The following CACNB2 variants were observed in gnomAD, a reference collection of about 807,000 sequenced individuals.
CACNB2 encodes voltage-dependent L-type calcium channel subunit beta-2.
A neutral mutation model predicts 73.3 loss-of-function variants in CACNB2; 42 were observed. The observed-to-expected ratio is 0.57, with a 90% CI of 0.45 to 0.74. The LOEUF (loss-of-function observed/expected upper bound fraction) is 0.74, where lower values mean the gene tolerates loss of function less well. CACNB2 is among the 30% of genes least tolerant of loss of function. The probability of loss-of-function intolerance (pLI) is 0.00; values close to 1 mark genes in which losing one functional copy is unlikely to be tolerated. For missense variants in CACNB2, 940 were observed against 853.0 expected (o/e 1.10, Z -1.27); for synonymous variants, 348 against 310.3 (o/e 1.12, Z -1.28).
At chr10:18,164,345 G>T (rs1192769522) in intron 2 of CACNB2, among the ~76,000 whole-genome samples, 2 of 152,138 alleles carry the variant, frequency 1.3e-5, no homozygotes, top group Non-Finnish European at 2.9e-5. Flanking sequence ...TTGAAAATCA[G>T]CCATTCTCTC....
chr10:18,182,382 C>T (rs139356683), intron 2 of CACNB2, among the ~76,000 whole-genome samples: 45 of 151,674 alleles, frequency 3.0e-4, no homozygotes, highest in African/African-American at 9.4e-4. Flanking sequence ...AATATAAAAA[C>T]GTAGGTAACA....
chr10:18,385,576 G>A (rs1374340850), intron 2 of CACNB2, among the ~76,000 whole-genome samples: 4 of 148,394 alleles, frequency 2.7e-5, no homozygotes, highest in South Asian at 2.1e-4. Context: ...GTGGTGAGCC[G>A]AGATCGTGCC....
chr10:18,305,449 G>A (rs1381843318), intron 2 of CACNB2, among the ~76,000 whole-genome samples: 2 of 152,150 alleles, frequency 1.3e-5, no homozygotes, highest in East Asian at 3.8e-4. Context: ...AATGAGAACA[G>A]AATACAGAGA....
chr10:18,283,202 A>G (rs1044421394), intron 2 of CACNB2, among the ~76,000 whole-genome samples: 1 of 152,200 alleles, frequency 6.6e-6, no homozygotes. Flanking sequence ...AGAAATAGGA[A>G]CACTTTTACA....
intron 2 of CACNB2, chr10:18,261,902 A>C (rs1288617030): frequency 1.2e-5 from 6 of 517,632 alleles, no homozygotes; most frequent in Non-Finnish European, 1.9e-5. Context: ...AAATTCTACA[A>C]GGCAGGCTCA....
intron 2 of CACNB2, among the ~76,000 whole-genome samples, chr10:18,161,968 A>G (rs1382663424): frequency 2.0e-5 from 3 of 152,076 alleles, no homozygotes; most frequent in Non-Finnish European, 4.4e-5. Flanking sequence ...AAATAATACA[A>G]TAGATGAATT....
At position 18,345,061 on chromosome 10, in the gene CACNB2, T is replaced by C. The variant is rs552233748; in HGVS notation, c.214-56863T>C. ...ATCTGCCATTGATTGTCCAATAAAATGGTCATTTATTTTTGGACTTTTTAA... is the reference window on the plus strand; with the variant it reads ...ATCTGCCATTGATTGTCCAATAAAACGGTCATTTATTTTTGGACTTTTTAA... On this transcript the variant is annotated intron_variant, in intron 2 of 13. Transcript: ENST00000324631. Among the ~76,000 whole-genome samples, 55 of 152,344 alleles carry C rather than the reference T, an allele frequency of 3.6e-4. 2 individuals carry two copies. The South Asian group carries it at 0.011, about 32-fold the overall frequency.
chr10:18,304,409 A>C (rs1318068090), intron 2 of CACNB2, among the ~76,000 whole-genome samples: 2 of 152,256 alleles, frequency 1.3e-5, no homozygotes, highest in Non-Finnish European at 2.9e-5. Flanking sequence ...AGTATTCAGC[A>C]CATTTAAGAA....
intron 6 of CACNB2, among the ~76,000 whole-genome samples, chr10:18,511,470 T>C (rs925496982): frequency 6.6e-6 from 1 of 152,230 alleles, no homozygotes; most frequent in Non-Finnish European, 1.5e-5. Context: ...TTGAAAAGGT[T>C]AGAAGAAGCT....
At chr10:18,524,089 A>G (rs1025678842) in intron 9 of CACNB2, among the ~76,000 whole-genome samples, 3 of 152,186 alleles carry the variant, frequency 2.0e-5, no homozygotes, top group Admixed American at 6.5e-5. Flanking sequence ...CTGGATTCAC[A>G]GTAACCAACT....
At chr10:18,479,141 G>T (rs1174981289) in intron 3 of CACNB2, among the ~76,000 whole-genome samples, 1 of 151,962 alleles carries the variant, frequency 6.6e-6, no homozygotes, top group Non-Finnish European at 1.5e-5. Context: ...TATGTAATAT[G>T]GATCATTTAT....
At chr10:18,491,269 C>A (rs2049405807) in intron 3 of CACNB2, among the ~76,000 whole-genome samples, 2 of 152,164 alleles carry the variant, frequency 1.3e-5, no homozygotes, top group African/African-American at 2.4e-5. Flanking sequence ...TGCCCCAGGG[C>A]CATGATGCTG....
intron 2 of CACNB2, among the ~76,000 whole-genome samples, chr10:18,381,241 G>A (rs562013162): frequency 2.0e-5 from 3 of 151,042 alleles, no homozygotes; most frequent in Admixed American, 6.7e-5. Context: ...GGGTGCGGTG[G>A]CTCACGCCTA....
At position 18,449,381 on chromosome 10, in the gene CACNB2, TAAAATAA is replaced by T. The variant is rs557621555; in HGVS notation, c.333+47355_333+47361del. Among the ~76,000 whole-genome samples the T allele has an allele frequency of 2.3e-3, 350 of 152,070 alleles. 4 individuals carry two copies. The highest frequency in any genetic ancestry group is 3.4e-3 in the Middle Eastern group (1 of 294). On this transcript the variant is annotated intron_variant, in intron 3 of 13. Transcript: ENST00000324631. ...GCCTGGGCGACAGAGCGAGACTCCA[TAAAATAA>T]AAAATAAAAAATAAAACACACAACA... is the stretch of plus-strand genomic sequence containing the variant.
At chr10:18,494,445 C>G (rs187660699) in intron 3 of CACNB2, among the ~76,000 whole-genome samples, 1 of 151,770 alleles carries the variant, frequency 6.6e-6, no homozygotes, top group Non-Finnish European at 1.5e-5. Flanking sequence ...CTGGCTAACA[C>G]GGTGAAACCC....
At chr10:18,338,506 T>G (rs1262209592) in intron 2 of CACNB2, among the ~76,000 whole-genome samples, 1 of 152,182 alleles carries the variant, frequency 6.6e-6, no homozygotes, top group Non-Finnish European at 1.5e-5. Context: ...TCTATCAACA[T>G]TGTGTTTGTA....
Position 18,527,595 on chromosome 10 carries a change from A to G in CACNB2, c.952A>G (p.Ile318Val). 6.2e-7 allele frequency: 1 copy of G among 1,612,708 alleles called. No homozygotes were observed. The highest frequency in any genetic ancestry group is 1.1e-5 in the South Asian group (1 of 91,058). Reference sequence around the variant, plus strand: ...GACTTTTTCCTCCAACAGGATATCCATCACAAGGGTCACCGCTGACATCTC... The same window carrying G: ...GACTTTTTCCTCCAACAGGATATCCGTCACAAGGGTCACCGCTGACATCTC... ...LKHRFEGRIS[I>V]TRVTADISLA... The change falls in exon 10 of 14, where the codon ATC becomes GTC. Residue 318 changes from isoleucine (I) to valine (V), a missense_variant. By Grantham distance (29) the Ile-to-Val change is conservative. Transcript: ENST00000324631.
At chr10:18,461,016 G>A (rs2047545808) in intron 3 of CACNB2, among the ~76,000 whole-genome samples, 2 of 151,866 alleles carry the variant, frequency 1.3e-5, no homozygotes, top group South Asian at 2.1e-4. Context: ...TGCAGCCTCC[G>A]CCTCCTGGGT....
chr10:18,192,697 A>C (rs2034456825), intron 2 of CACNB2, among the ~76,000 whole-genome samples: 1 of 151,914 alleles, frequency 6.6e-6, no homozygotes, highest in Non-Finnish European at 1.5e-5. Context: ...GTCTCTATGG[A>C]TTTATTTATC....
Sources: gnomAD v4.1 joint callset for allele counts (sites outside exome capture counted in the v4.1 genomes callset) on GRCh38, gnomAD v4.1.1 for gene constraint, MANE v1.5 for transcripts, NCBI Gene and HGNC (gene_info 2026-07-23, HGNC 2026-07-21) for gene names.